NSUN3: variants seen among roughly 807,000 people sequenced by gnomAD.
NSUN3 encodes the protein NOP2/Sun RNA methyltransferase 3.
Under a neutral mutation model 36.8 loss-of-function variants are expected in NSUN3, and 24 were observed. The ratio of observed to expected loss-of-function variants is 0.65; its 90% CI spans 0.47 to 0.92. The LOEUF is 0.92. Ranked by LOEUF, NSUN3 falls within the 40% of genes least tolerant of loss-of-function variation. The pLI is 0.00. For synonymous variants in NSUN3, 146 were observed against 145.2 expected, an observed-to-expected ratio of 1.01 and a Z score of -0.04; for missense variants, 381 against 392.8, an observed-to-expected ratio of 0.97 and a Z score of 0.25.
intron 5 of NSUN3, among the ~76,000 whole-genome samples, chr3:94,099,218 T>G (rs1212119860): frequency 6.6e-6 from 1 of 152,194 alleles, no homozygotes; most frequent in Non-Finnish European, 1.5e-5. Context: ...AGCCAAAACA[T>G]GGCTATAGAG....
At chr3:94,077,315 G>T (rs2077250550) in intron 2 of NSUN3, 1 of 465,506 alleles carries the variant, frequency 2.1e-6, no homozygotes, top group Non-Finnish European at 3.9e-6. Flanking sequence ...TAAGCTTATT[G>T]ATGTGCTACT....
chr3:94,126,092 G>T, intron 5 of NSUN3, 119 bp from the exon 6 acceptor site: 4 of 727,592 alleles, frequency 5.5e-6, no homozygotes, highest in South Asian at 2.3e-5. Context: ...AACATCCAAA[G>T]TAATTGCAGT....
chr3:94,127,174 A>G lies in NSUN3; in HGVS notation c.*684A>G, dbSNP rs1481655524. On this transcript the variant is annotated 3_prime_UTR_variant, in exon 6 of 6. Transcript: ENST00000314622. ...TTTAGAACAGCAGATTCACATGCAC[A>G]TGTTTGACTTTCGACATTCAGCTTA... 6.6e-6 allele frequency: 1 copy of G among 152,194 alleles called. No homozygotes were observed. The highest frequency in any genetic ancestry group is 1.9e-4 in the East Asian group (1 of 5,202). 9.4% of individuals were successfully genotyped at this position (152,194 alleles called of 1,614,324 possible).
At chr3:94,112,442 A>G (rs956148659) in intron 5 of NSUN3, among the ~76,000 whole-genome samples, 18 of 152,176 alleles carry the variant, frequency 1.2e-4, no homozygotes, top group African/African-American at 4.3e-4. Flanking sequence ...TTCTAATATA[A>G]CGGAGAGAGA....
rs565357188 is a variant in NSUN3, at chr3:94,130,901, CT to C, written c.*4420del. Among the ~76,000 whole-genome samples, 1 of 150,722 alleles carries C rather than the reference CT, an allele frequency of 6.6e-6. No homozygotes were observed. The highest frequency in any genetic ancestry group is 6.6e-5 in the Admixed American group (1 of 15,092). On this transcript the variant is annotated 3_prime_UTR_variant, in exon 6 of 6. Coordinates refer to ENST00000314622, the MANE Select transcript of NSUN3 (RefSeq NM_022072.5). ...AGCAAAGTTTCATTTTCATTCAACC[CT>C]TTTTTTTTCACTTTGAATCAAATGG...
intron 5 of NSUN3, among the ~76,000 whole-genome samples, chr3:94,103,516 C>A (rs2077374133): frequency 2.0e-5 from 3 of 151,010 alleles, no homozygotes; most frequent in South Asian, 4.2e-4. Context: ...TTATTTATTA[C>A]CCTTGGCTGC....
At chr3:94,119,020 G>A (rs1018566763) in intron 5 of NSUN3, among the ~76,000 whole-genome samples, 1 of 151,942 alleles carries the variant, frequency 6.6e-6, no homozygotes, top group Admixed American at 6.6e-5. Flanking sequence ...TACATATACA[G>A]TCCTCTGTTT....
intron 5 of NSUN3, among the ~76,000 whole-genome samples, chr3:94,111,503 C>A (rs1372729937): frequency 6.6e-6 from 1 of 152,072 alleles, no homozygotes; most frequent in Admixed American, 6.6e-5. Context: ...AAGCTTAAAA[C>A]AAACATTGTA....
intron 2 of NSUN3, among the ~76,000 whole-genome samples, chr3:94,068,140 TA>T (rs1162759607): frequency 6.6e-6 from 1 of 152,098 alleles, no homozygotes; most frequent in East Asian, 1.9e-4. Context: ...TCCTCGTCTG[TA>T]AAATGGGGAA....
chr3:94,126,227 T>C lies in NSUN3; in HGVS notation c.760T>C (p.Leu254=), dbSNP rs750594684. The C allele has an allele frequency of 2.2e-5, 35 of 1,612,574 alleles. No individual in the cohort carries two copies. The South Asian group carries it at 3.4e-4, about 16-fold the overall frequency. ...IELLRSAIKA[L]RPGGILVYST... is the part of the protein sequence containing the mutation. ...TGCACACAGGTCTGCAATTAAGGCC[T>C]TACGTCCTGGAGGGATACTTGTATA... The change falls in exon 6 of 6, where the codon TTA becomes CTA. Residue 254 remains leucine, a synonymous_variant. Coordinates refer to ENST00000314622, the MANE Select transcript of NSUN3 (RefSeq NM_022072.5).
At position 94,126,414 on chromosome 3, in the gene NSUN3, T is replaced by C; in HGVS notation, c.947T>C (p.Ile316Thr). The C allele has an allele frequency of 6.8e-6, 11 of 1,614,126 alleles. No homozygotes were observed. The highest frequency in any genetic ancestry group is 9.3e-6 in the Non-Finnish European group (11 of 1,179,982). The change falls in exon 6 of 6, where the codon ATT (isoleucine) becomes ACT (threonine). Residue 316 changes from isoleucine (I) to threonine (T), a missense_variant. Coordinates refer to ENST00000314622, the MANE Select transcript of NSUN3 (RefSeq NM_022072.5). ...PTGQECGLLV[I>T]PDKGKAWGPM... ...GGCCAGGAATGTGGGCTCTTAGTGA[T>C]TCCAGATAAGGGCAAAGCCTGGGGC...
chr3:94,127,186 C>G lies in NSUN3; in HGVS notation c.*696C>G, dbSNP rs948611179. On this transcript the variant is annotated 3_prime_UTR_variant, in exon 6 of 6. Transcript: ENST00000314622. ...GATTCACATGCACATGTTTGACTTT[C>G]GACATTCAGCTTATAGAATTATGGA... The G allele has an allele frequency of 6.6e-6, 1 of 152,040 alleles. No individual in the cohort carries two copies. 9.4% of individuals were successfully genotyped at this position (152,040 alleles called of 1,614,324 possible). A position where few individuals can be genotyped will look rare whatever the true frequency, so the allele number is the denominator to read the frequency against.
At chr3:94,101,694 A>G (rs1262795653) in intron 5 of NSUN3, among the ~76,000 whole-genome samples, 1 of 152,336 alleles carries the variant, frequency 6.6e-6, no homozygotes, top group African/African-American at 2.4e-5. Flanking sequence ...ATGCCACTTA[A>G]AAGTATGCCT....
chr3:94,073,134 A>G (rs2077232629), intron 2 of NSUN3, among the ~76,000 whole-genome samples: 1 of 152,196 alleles, frequency 6.6e-6, no homozygotes, highest in African/African-American at 2.4e-5. Flanking sequence ...ACGTGAACTC[A>G]TCCTTTTATA....
intron 5 of NSUN3, among the ~76,000 whole-genome samples, chr3:94,118,005 A>C (rs1301414720): frequency 6.6e-6 from 1 of 152,216 alleles, no homozygotes; most frequent in Non-Finnish European, 1.5e-5. Context: ...AGTTAGATAG[A>C]AGGTATAAAT....
In NSUN3 at chr3:94,075,880, T is replaced by C. The variant is rs2077243689; in HGVS notation, c.123-8227T>C. 4.8e-6 allele frequency: 6 copies of C among 1,259,698 alleles called. No individual in the cohort carries two copies. The East Asian group carries it at 1.4e-4, about 30-fold the overall frequency. 78.0% of individuals were successfully genotyped at this position (1,259,698 alleles called of 1,614,324 possible). The stretch of plus-strand genomic sequence containing the variant: ...AGGGTTGAGAAGAAAAAAAGGGGAG[T>C]CTAAAATCACAAGAAGTAAAGACGT... On this transcript the variant is annotated intron_variant, in intron 2 of 5. Transcript: ENST00000314622.
intron 5 of NSUN3, among the ~76,000 whole-genome samples, chr3:94,124,702 A>G (rs1423432743): frequency 6.6e-6 from 1 of 152,164 alleles, no homozygotes; most frequent in Non-Finnish European, 1.5e-5. Context: ...CTAAGGCACT[A>G]TGGGTTAGGA....
In NSUN3 at chr3:94,078,896, G is replaced by T. The variant is rs534050839; in HGVS notation, c.123-5211G>T. Among the ~76,000 whole-genome samples the T allele has an allele frequency of 8.7e-4, 133 of 152,206 alleles. 1 individual carries two copies. The Middle Eastern group carries it at 0.024, about 27-fold the overall frequency. On this transcript the variant is annotated intron_variant, in intron 2 of 5. Transcript: ENST00000314622. Reference sequence around the variant, plus strand: ...TCTTGACTCTTTATCCAATTTGCCAGTCTGTGTCTTTTAATTGGTGCATTT... The same window carrying T: ...TCTTGACTCTTTATCCAATTTGCCATTCTGTGTCTTTTAATTGGTGCATTT...
At chr3:94,063,250 C>G (rs1382500136) in intron 1 of NSUN3, 112 bp downstream of exon 1, 2 of 1,049,546 alleles carry the variant, frequency 1.9e-6, no homozygotes. Flanking sequence ...TGTTCGTCCC[C>G]TCGCGAGATC....
Sources: gnomAD v4.1 joint callset for allele counts (sites outside exome capture counted in the v4.1 genomes callset) on GRCh38, gnomAD v4.1.1 for gene constraint, MANE v1.5 for transcripts, NCBI Gene and HGNC (gene_info 2026-07-23, HGNC 2026-07-21) for gene names.